The following EVPL variants were observed in gnomAD, a reference collection of about 807,000 sequenced individuals.
EVPL encodes 210 kDa cornified envelope precursor protein.
Under a neutral mutation model 129.7 loss-of-function variants are expected in EVPL, and 94 were observed. That is an observed-to-expected ratio of 0.72 (90% CI 0.61 to 0.86). The LOEUF (loss-of-function observed/expected upper bound fraction) is 0.86. EVPL is among the 40% of genes least tolerant of loss of function. EVPL has a pLI of 0.00. For missense variants in EVPL, 2,625 were observed against 2,721.1 expected, an observed-to-expected ratio of 0.96 and a Z score of 0.79; for synonymous variants, 1,172 against 1,191.1, an observed-to-expected ratio of 0.98 and a Z score of 0.33.
At chr17:76,015,965 G>A (rs370168157) in intron 14 of EVPL, among the ~76,000 whole-genome samples, 12 of 152,102 alleles carry the variant, frequency 7.9e-5, no homozygotes, top group South Asian at 2.1e-4. Flanking sequence ...CCAACATGGC[G>A]AAACCCTGTC....
chr17:76,010,458 G>C lies in EVPL; in HGVS notation c.2747C>G (p.Ala916Gly), dbSNP rs374532456. Residue 916 changes from alanine (A) to glycine (G), a missense_variant, in exon 22 of 22, where the codon GCC becomes GGC. Transcript: ENST00000301607. ...CTCCTCTTCCAGCTGGGCCTTCAGGGCCTCTGACTCTCTCCCTGCTTGGGC... is the reference window on the plus strand; with the variant it reads ...CTCCTCTTCCAGCTGGGCCTTCAGGCCCTCTGACTCTCTCCCTGCTTGGGC... ...SPAQAGRESE[A>G]LKAQLEEERK... 37 of 1,614,068 alleles carry C rather than the reference G, an allele frequency of 2.3e-5. No homozygotes were observed. The highest frequency in any genetic ancestry group is 3.1e-5 in the Non-Finnish European group (37 of 1,180,016).
Position 76,008,230 on chromosome 17 carries a change from G to A in EVPL, c.4975C>T (p.Leu1659Phe). The change falls in exon 22 of 22, where the codon CTC becomes TTC. Residue 1659 changes from leucine to phenylalanine, a missense_variant. By Grantham distance (22) the Leu-to-Phe change is conservative (BLOSUM62 0). Transcript: ENST00000301607. This position sits in a 1 kb window ranked among gnomAD's most constrained non-coding sequence, Gnocchi z 7.4. ...CTCACCTTGGCGTGGAGGTCCCGGA[G>A]CGTCCGCTCCTTCTCGTAGATCTGG... is the stretch of plus-strand genomic sequence containing the variant. Reference protein sequence around the residue: ...KDQIYEKERTLRDLHAKVSRE... With the variant: ...KDQIYEKERTFRDLHAKVSRE... The A allele has an allele frequency of 1.2e-6, 2 of 1,613,928 alleles. No homozygotes were observed. The highest frequency in any genetic ancestry group is 1.7e-6 in the Non-Finnish European group (2 of 1,180,012).
Position 76,010,529 on chromosome 17 carries a change from C to T in EVPL, c.2676G>A (p.Glu892=), listed in dbSNP as rs1206924631. ...TTGCATCATGGGTCCTTCGGATGTC[C>T]TCACTGAGCTCCTTCTGCAGAGAGG... ...RKMLEKKELS[E]DIRRTHDAKQ... Residue 892 remains glutamate, a synonymous_variant, in exon 22 of 22, where the codon GAG becomes GAA. Transcript: ENST00000301607. 1.9e-6 allele frequency: 3 copies of T among 1,612,652 alleles called. No homozygotes were observed. In the South Asian group the frequency reaches 3.3e-5, roughly 18 times the overall value.
chr17:76,007,185 C>T lies in EVPL; in HGVS notation c.6020G>A (p.Gly2007Asp), dbSNP rs1244504203. The T allele has an allele frequency of 4.6e-6, 7 of 1,521,320 alleles. No individual in the cohort carries two copies. The highest frequency in any genetic ancestry group is 1.4e-5 in the African/African-American group (1 of 71,980). 94.2% of individuals were successfully genotyped at this position (1,521,320 alleles called of 1,614,324 possible). A position where few individuals can be genotyped will look rare whatever the true frequency, so the allele number is the denominator to read the frequency against. ...CAGTGCCGCTGGCAGGAGCAGCAGG[C>T]CGCTCAGGGGGTCTTTGCGGCAGCG... is the stretch of plus-strand genomic sequence containing the variant. ...MGRCRKDPLS[G>D]LLLLPAALEG... Residue 2007 changes from glycine (G) to aspartate (D), a missense_variant, in exon 22 of 22, where the codon GGC becomes GAC. By Grantham distance (94) the Gly-to-Asp change is moderately conservative (BLOSUM62 -1). This residue lies in a region of EVPL where 1,453 missense variants were observed against 1,511.8 expected (regional missense o/e 0.96). Transcript: ENST00000301607. The surrounding 1 kb of genome is among the most constrained non-coding windows in gnomAD (Gnocchi z 8.8).
chr17:76,019,665 G>C lies in EVPL; in HGVS notation c.1012-12C>G. The C allele has an allele frequency of 6.2e-7, 1 of 1,609,336 alleles. No homozygotes were observed. The stretch of plus-strand genomic sequence containing the variant: ...GCCTCTTCCTGGAACTGAGTTCACT[G>C]GGTGGTCAAGGGCAGAGCCTCGTGC... On this transcript the variant is annotated splice_polypyrimidine_tract_variant and intron_variant, in intron 9 of 21. Coordinates refer to ENST00000301607, the MANE Select transcript of EVPL (RefSeq NM_001988.4).
chr17:76,014,574 T>TC lies in EVPL; in HGVS notation c.2224dup (p.Glu742GlyfsTer20). 3.1e-6 allele frequency: 5 copies of TC among 1,611,604 alleles called. No homozygotes were observed. The highest frequency in any genetic ancestry group is 4.2e-6 in the Non-Finnish European group (5 of 1,179,412). ...GAGGGCGGCATCCTGCACCACCTTCTCCCTGCAGGAGGACGAGGCCCAGAA... is the reference window on the plus strand; with the variant it reads ...GAGGGCGGCATCCTGCACCACCTTCTCCCCTGCAGGAGGACGAGGCCCAGAA... On this transcript the variant is annotated frameshift_variant and splice_region_variant, in exon 18 of 22. Coordinates refer to ENST00000301607, the MANE Select transcript of EVPL (RefSeq NM_001988.4). LOFTEE classifies it high-confidence loss of function.
Position 76,008,246 on chromosome 17 carries a change from G to A in EVPL, c.4959C>T (p.Tyr1653=), listed in dbSNP as rs754447611. The A allele has an allele frequency of 1.7e-5, 27 of 1,613,508 alleles. No individual in the cohort carries two copies. The highest frequency in any genetic ancestry group is 1.7e-5 in the Admixed American group (1 of 60,010). ...GGTCCCGGAGCGTCCGCTCCTTCTC[G>A]TAGATCTGGTCCTTCTCGCGGAGGA... The part of the protein sequence containing the change: ...AAILREKDQI[Y]EKERTLRDLH... The change falls in exon 22 of 22, where the codon TAC becomes TAT. Residue 1653 remains tyrosine, a synonymous_variant. Coordinates refer to ENST00000301607, the MANE Select transcript of EVPL (RefSeq NM_001988.4). The surrounding 1 kb of genome is among the most constrained non-coding windows in gnomAD (Gnocchi z 7.4).
At position 76,007,116 on chromosome 17, in the gene EVPL, C is replaced by A; in HGVS notation, c.6089G>T (p.Arg2030Leu). Reference sequence around the variant, plus strand: ...CCTTGGCCCGTGTCAGCGAAGGGAGCGCGGGACGGTGGGGGAGGCGGAGCG... The same window carrying A: ...CCTTGGCCCGTGTCAGCGAAGGGAGAGCGGGACGGTGGGGGAGGCGGAGCG... The part of the protein sequence containing the change: ...CYRSASPTVP[R>L]SLR Residue 2030 changes from arginine to leucine, a missense_variant, in exon 22 of 22, where the codon CGC becomes CTC. Physicochemically the swap from Arg to Leu is moderately radical, Grantham distance 102. Around this residue, in one of 4 missense-constraint regions of EVPL, gnomAD observed 1,453 missense variants for 1,511.8 expected, o/e 0.96. Transcript: ENST00000301607. The surrounding 1 kb of genome is among the most constrained non-coding windows in gnomAD (Gnocchi z 8.8). 6.7e-7 allele frequency: 1 copy of A among 1,482,528 alleles called. No individual in the cohort carries two copies. Among genetic ancestry groups the A allele is most frequent in the Non-Finnish European group, 9.0e-7 (1 of 1,116,784 alleles). The allele number at this position is 1,482,528 out of a possible 1,614,324, so 91.8% of individuals were successfully genotyped here.
intron 2 of EVPL, 88 bp from the exon 3 acceptor site, chr17:76,023,742 G>A: frequency 6.9e-7 from 1 of 1,452,686 alleles, no homozygotes; most frequent in Non-Finnish European, 9.1e-7. Flanking sequence ...CCCAACTTTG[G>A]GACCCCAGCT....
At chr17:76,012,994 T>C (rs2066390624) in intron 18 of EVPL, among the ~76,000 whole-genome samples, 1 of 152,142 alleles carries the variant, frequency 6.6e-6, no homozygotes, top group Non-Finnish European at 1.5e-5. Flanking sequence ...TCCGCCCGCC[T>C]TGGCCTCCCA....
Position 76,007,100 on chromosome 17 carries a change from G to A in EVPL, c.*3C>T, listed in dbSNP as rs189745958. On this transcript the variant is annotated 3_prime_UTR_variant, in exon 22 of 22. Coordinates refer to ENST00000301607, the MANE Select transcript of EVPL (RefSeq NM_001988.4). This position sits in a 1 kb window ranked among gnomAD's most constrained non-coding sequence, Gnocchi z 8.8. ...CACTTCCCCACTGGCTCCTTGGCCC[G>A]TGTCAGCGAAGGGAGCGCGGGACGG... 65 of 1,450,826 alleles carry A rather than the reference G, an allele frequency of 4.5e-5. 1 individual carries two copies. In the East Asian group the frequency reaches 7.9e-4, roughly 18 times the overall value. The allele number at this position is 1,450,826 out of a possible 1,614,324, so 89.9% of individuals were successfully genotyped here. A position where few individuals can be genotyped will look rare whatever the true frequency, so the allele number is the denominator to read the frequency against.
rs1422691478 is a variant in EVPL at position 76,007,655 on chromosome 17, C to T, written c.5550G>A (p.Leu1850=). The T allele has an allele frequency of 6.2e-7, 1 of 1,613,768 alleles. No individual in the cohort carries two copies. The highest frequency in any genetic ancestry group is 8.5e-7 in the Non-Finnish European group (1 of 1,180,046). ...GTAGCTTCTGCCCAGTGATGGGGTCCAGCATGTTCTTGGCCACGGCCGTCT... is the reference window on the plus strand; with the variant it reads ...GTAGCTTCTGCCCAGTGATGGGGTCTAGCATGTTCTTGGCCACGGCCGTCT... The part of the protein sequence containing the change: ...SIKTAVAKNM[L]DPITGQKLLE... Residue 1850 remains leucine, a synonymous_variant, in exon 22 of 22, where the codon CTG becomes CTA. Transcript: ENST00000301607. This position sits in a 1 kb window ranked among gnomAD's most constrained non-coding sequence, Gnocchi z 8.8.
At chr17:76,014,891 G>A in intron 17 of EVPL, 25 bp downstream of exon 17, 2 of 1,563,340 alleles carry the variant, frequency 1.3e-6, no homozygotes, top group South Asian at 1.2e-5. Context: ...CCCACACCCT[G>A]TGCCCCGAGG....
At position 76,015,018 on chromosome 17, in the gene EVPL, T is replaced by G. The variant is rs776038908; in HGVS notation, c.2120A>C (p.Gln707Pro). Residue 707 changes from glutamine to proline, a missense_variant, in exon 17 of 22, where the codon CAG (glutamine) becomes CCG (proline). Around this residue, in one of 4 missense-constraint regions of EVPL, gnomAD observed 1,024 missense variants for 997.5 expected, o/e 1.03. Transcript: ENST00000301607. ...KASEHACAALQNNFQEFCQDL... is the reference protein window; with the variant it reads ...KASEHACAALPNNFQEFCQDL... ...TTGGCAGAACTCCTGGAAGTTGTTCTGCAGGGCAGCGCATGCGTGCTCCGA... is the reference window on the plus strand; with the variant it reads ...TTGGCAGAACTCCTGGAAGTTGTTCGGCAGGGCAGCGCATGCGTGCTCCGA... 1 of 1,595,750 alleles carries G rather than the reference T, an allele frequency of 6.3e-7. No individual in the cohort carries two copies.
chr17:76,010,330 C>G lies in EVPL; in HGVS notation c.2875G>C (p.Val959Leu). The stretch of plus-strand genomic sequence containing the variant: ...TGGGGGTCCCGGTAGAACTCTACCA[C>G]TTCCTTCTCCTCCAGCCTCTCCAAG... ...RPLERLEEKEVVEFYRDPQLE... is the reference protein window; with the variant it reads ...RPLERLEEKELVEFYRDPQLE... The change falls in exon 22 of 22, where the codon GTG becomes CTG. Residue 959 changes from valine to leucine, a missense_variant. Val to Leu is a conservative substitution (Grantham distance 32, BLOSUM62 1). This residue lies in a region of EVPL where 1,453 missense variants were observed against 1,511.8 expected (regional missense o/e 0.96). Coordinates refer to ENST00000301607, the MANE Select transcript of EVPL (RefSeq NM_001988.4). 1 of 1,613,944 alleles carries G rather than the reference C, an allele frequency of 6.2e-7. No individual in the cohort carries two copies. The highest frequency in any genetic ancestry group is 8.5e-7 in the Non-Finnish European group (1 of 1,180,036).
Position 76,006,973 on chromosome 17 carries a change from G to T in EVPL, c.*130C>A. ...GGGGAGGGAGCCCATCACCATGTTAGTAAAATAATAAAACAGTGGTTGGAC... is the reference window on the plus strand; with the variant it reads ...GGGGAGGGAGCCCATCACCATGTTATTAAAATAATAAAACAGTGGTTGGAC... On this transcript the variant is annotated 3_prime_UTR_variant, in exon 22 of 22. Transcript: ENST00000301607. 1 of 1,083,694 alleles carries T rather than the reference G, an allele frequency of 9.2e-7. No individual in the cohort carries two copies. Among genetic ancestry groups the T allele is most frequent in the Non-Finnish European group, 1.2e-6 (1 of 845,172 alleles). The allele number at this position is 1,083,694 out of a possible 1,614,324, so 67.1% of individuals were successfully genotyped here. A position where few individuals can be genotyped will look rare whatever the true frequency, so the allele number is the denominator to read the frequency against.
rs1415816577 is a variant in EVPL at position 76,014,484 on chromosome 17, C to A, written c.2315G>T (p.Ser772Ile). Residue 772 changes from serine to isoleucine, a missense_variant, in exon 18 of 22, where the codon AGC becomes ATC. By Grantham distance (142) the Ser-to-Ile change is moderately radical. Around this residue, in one of 4 missense-constraint regions of EVPL, gnomAD observed 1,024 missense variants for 997.5 expected, o/e 1.03. Coordinates refer to ENST00000301607, the MANE Select transcript of EVPL (RefSeq NM_001988.4). ...LSSWLEHLPR[S>I]QVRPSDGPSQ... ...GGGGCCGTCGCTGGGCCGCACCTGG[C>A]TGCGGGGCAGGTGCTCCAGCCAGGA... The A allele has an allele frequency of 2.5e-6, 4 of 1,612,054 alleles. 1 individual carries two copies. In the South Asian group the frequency reaches 4.4e-5, roughly 18 times the overall value.
chr17:76,009,136 T>A lies in EVPL; in HGVS notation c.4069A>T (p.Lys1357Ter). 1 of 1,612,534 alleles carries A rather than the reference T, an allele frequency of 6.2e-7. No individual in the cohort carries two copies. The highest frequency in any genetic ancestry group is 8.5e-7 in the Non-Finnish European group (1 of 1,179,598). Reference sequence around the variant, plus strand: ...TTCCTCCTCTCCAGCAGCAGGCGCTTGCTCTGCAGCTCGTACACCGCGTCC... The same window carrying A: ...TTCCTCCTCTCCAGCAGCAGGCGCTAGCTCTGCAGCTCGTACACCGCGTCC... ...AEDAVYELQS[K>*]RLLLERRKPE... Residue 1357 changes from lysine (K) to a stop codon, truncating the protein, a stop_gained, in exon 22 of 22, where the codon AAG (lysine) becomes TAG (stop). Transcript: ENST00000301607. LOFTEE classifies it low-confidence loss of function (END_TRUNC). The surrounding 1 kb of genome is among the most constrained non-coding windows in gnomAD (Gnocchi z 5.9).
At chr17:76,018,653 G>T in intron 11 of EVPL, 53 bp from the exon 12 acceptor site, 1 of 1,544,910 alleles carries the variant, frequency 6.5e-7, no homozygotes, top group Non-Finnish European at 8.7e-7. Context: ...AGGGGGCCAA[G>T]GCCAGGGCAG....
Sources: allele counts gnomAD v4.1 joint callset (sites outside exome capture counted in the v4.1 genomes callset), GRCh38; gene constraint gnomAD v4.1.1; regional missense constraint gnomAD v4.1.1; non-coding constraint Gnocchi (gnomAD v3.1); transcripts MANE v1.5; gene names NCBI Gene and HGNC (gene_info 2026-07-23, HGNC 2026-07-21).